TRPM7: variants seen among roughly 807,000 people sequenced by gnomAD.
TRPM7 encodes the protein LTRPC ion channel family member 7.
In TRPM7, 134 loss-of-function variants were observed where a neutral mutation model predicts 229.7. The observed-to-expected ratio is 0.58, with a 90% CI of 0.51 to 0.67. The LOEUF is 0.67. Ranked by LOEUF, TRPM7 falls within the 30% of genes least tolerant of loss-of-function variation. The probability of loss-of-function intolerance (pLI) is 0.00; values close to 1 mark genes in which losing one functional copy is unlikely to be tolerated. For synonymous variants in TRPM7, 699 were observed against 715.2 expected (o/e 0.98, Z 0.36); for missense variants, 1,901 against 2,210.0 (o/e 0.86, Z 2.80).
chr15:50,564,261 A>AC (rs1566928124), intron 38 of TRPM7, among the ~76,000 whole-genome samples: 24 of 51,538 alleles, frequency 4.7e-4, no homozygotes, highest in African/African-American at 1.3e-3. Flanking sequence ...AATAAAATAA[A>AC]ATAAAATAAA....
chr15:50,592,484 CAGTG>C lies in TRPM7; in HGVS notation c.3747_3750del (p.Thr1250ProfsTer18). 1 of 1,614,092 alleles carries C rather than the reference CAGTG, an allele frequency of 6.2e-7. No homozygotes were observed. Among genetic ancestry groups the C allele is most frequent in the Non-Finnish European group, 8.5e-7 (1 of 1,180,012 alleles). On this transcript the variant is annotated frameshift_variant, in exon 26 of 39. Coordinates refer to ENST00000646667, the MANE Select transcript of TRPM7 (RefSeq NM_017672.6). LOFTEE classifies it high-confidence loss of function. The stretch of plus-strand genomic sequence containing the variant: ...TTGCTAGCTTCCGACGCTTTCTGGG[CAGTG>C]AGTGTTTTTAATGTATCTACCGTCA...
At chr15:50,667,896 T>C (rs1451164801) in intron 1 of TRPM7, among the ~76,000 whole-genome samples, 1 of 152,190 alleles carries the variant, frequency 6.6e-6, no homozygotes, top group Non-Finnish European at 1.5e-5. Context: ...TTTCTTTGGG[T>C]TGCATTTGTA....
rs75815096 is a variant in TRPM7, at chr15:50,660,320, T to C, written c.84-2501A>G. Among the ~76,000 whole-genome samples, 398 of 152,208 alleles carry C rather than the reference T, an allele frequency of 2.6e-3. 1 individual carries two copies. The highest frequency in any genetic ancestry group is 9.2e-3 in the African/African-American group (382 of 41,534). On this transcript the variant is annotated intron_variant, in intron 2 of 38. Transcript: ENST00000646667. ...TAAAAAACATAAAATATTTTCTCAA[T>C]AATAAATAAATCCAAATTTAAAATA...
chr15:50,572,165 G>C (rs1248192219), intron 36 of TRPM7, among the ~76,000 whole-genome samples: 1 of 152,178 alleles, frequency 6.6e-6, no homozygotes, highest in Non-Finnish European at 1.5e-5. Context: ...TGAGCCTGTA[G>C]TCCCAGCTAT....
intron 26 of TRPM7, among the ~76,000 whole-genome samples, chr15:50,589,866 T>TTTG (rs2059441214): frequency 6.6e-6 from 1 of 150,420 alleles, no homozygotes; most frequent in Non-Finnish European, 1.5e-5. Flanking sequence ...TTTTTTGTTT[T>TTTG]TTTAAATTTG....
chr15:50,627,776 TAA>T (rs1157002353), intron 11 of TRPM7, among the ~76,000 whole-genome samples: 2 of 152,172 alleles, frequency 1.3e-5, no homozygotes, highest in Non-Finnish European at 2.9e-5. Flanking sequence ...AGGATAACAC[TAA>T]AGAGTCTCAT....
At chr15:50,642,561 C>A (rs1427199351) in intron 5 of TRPM7, among the ~76,000 whole-genome samples, 1 of 152,150 alleles carries the variant, frequency 6.6e-6, no homozygotes, top group African/African-American at 2.4e-5. Context: ...TTATAAGGGG[C>A]TCTTCCCTCT....
In TRPM7 at chr15:50,604,818, T is replaced by C. The variant is rs944215975; in HGVS notation, c.2988+48A>G. 1.1e-5 allele frequency: 17 copies of C among 1,498,470 alleles called. No individual in the cohort carries two copies. In the Middle Eastern group the frequency reaches 1.2e-3, roughly 110 times the overall value. 92.8% of individuals were successfully genotyped at this position (1,498,470 alleles called of 1,614,324 possible). Reference sequence around the variant, plus strand: ...TGTTAATAACATTTTTGTGATTTTTTAAAAAATCAATAAACCCACGAGTAT... The same window carrying C: ...TGTTAATAACATTTTTGTGATTTTTCAAAAAATCAATAAACCCACGAGTAT... On this transcript the variant is annotated intron_variant, in intron 21 of 38. Transcript: ENST00000646667.
rs2053310147 is a variant in TRPM7 at position 50,561,501 on chromosome 15, A to G, written c.*177T>C. On this transcript the variant is annotated 3_prime_UTR_variant, in exon 39 of 39. Coordinates refer to ENST00000646667, the MANE Select transcript of TRPM7 (RefSeq NM_017672.6). The stretch of plus-strand genomic sequence containing the variant: ...CAGCTGCCAGCTCTATCCTATAGGG[A>G]CTTTCTGACTGATTAATCAGGTCAA... 4.9e-6 allele frequency: 3 copies of G among 612,998 alleles called. No homozygotes were observed. In the Admixed American group the frequency reaches 1.1e-4, roughly 22 times the overall value. The allele number at this position is 612,998 out of a possible 1,614,324, so 38.0% of individuals were successfully genotyped here.
intron 36 of TRPM7, among the ~76,000 whole-genome samples, chr15:50,572,339 C>G (rs1201568305): frequency 6.6e-6 from 1 of 152,148 alleles, no homozygotes; most frequent in Non-Finnish European, 1.5e-5. Flanking sequence ...CAAACTTCAG[C>G]AACTATCAGT....
chr15:50,599,549 G>A lies in TRPM7; in HGVS notation c.2989-253C>T, dbSNP rs4537960. 4.8e-4 allele frequency: 151 copies of A among 312,776 alleles called. 2 individuals are homozygous for A. The highest frequency in any genetic ancestry group is 1.1e-4 in the Non-Finnish European group (19 of 172,198). 19.4% of individuals were successfully genotyped at this position (312,776 alleles called of 1,614,324 possible). The stretch of plus-strand genomic sequence containing the variant: ...GGCATCTTTATCTACATAATGAATT[G>A]TATCACTGGTTCAAACTGAAGTGTA... On this transcript the variant is annotated intron_variant, in intron 21 of 38. Coordinates refer to ENST00000646667, the MANE Select transcript of TRPM7 (RefSeq NM_017672.6).
chr15:50,639,972 A>C (rs1379357518), intron 5 of TRPM7, among the ~76,000 whole-genome samples: 2 of 152,146 alleles, frequency 1.3e-5, no homozygotes, highest in Non-Finnish European at 2.9e-5. Flanking sequence ...CAAGGACCAA[A>C]AAGGAACAAA....
At chr15:50,639,572 A>G in intron 5 of TRPM7, 24 bp from the exon 6 acceptor site, 1 of 1,596,226 alleles carries the variant, frequency 6.3e-7, no homozygotes, top group Non-Finnish European at 8.5e-7. Flanking sequence ...AAGTTTATTC[A>G]TTTTGTTTTT....
intron 36 of TRPM7, among the ~76,000 whole-genome samples, chr15:50,571,217 A>T (rs2053869358): frequency 6.6e-6 from 1 of 152,270 alleles, no homozygotes; most frequent in East Asian, 1.9e-4. Flanking sequence ...AATGGCAAAC[A>T]TTAAGAATAT....
In TRPM7 at chr15:50,632,764, T is replaced by C. The variant is rs1415194607; in HGVS notation, c.1131+105A>G. 10 of 1,135,174 alleles carry C rather than the reference T, an allele frequency of 8.8e-6. No homozygotes were observed. The African/African-American group carries it at 1.5e-4, about 17-fold the overall frequency. 70.3% of individuals were successfully genotyped at this position (1,135,174 alleles called of 1,614,324 possible). On this transcript the variant is annotated intron_variant, in intron 9 of 38. Transcript: ENST00000646667. ...TTATGGTTAATAAAGATTTCAAAGT[T>C]TAAAATCCAAATAAAAACAAAAGTA...
intron 20 of TRPM7, among the ~76,000 whole-genome samples, chr15:50,606,217 A>G (rs1166745610): frequency 1.3e-5 from 2 of 152,066 alleles, no homozygotes; most frequent in Non-Finnish European, 2.9e-5. Context: ...CATCTCTACT[A>G]AAAATACAAA....
At chr15:50,601,673 A>T (rs543475798) in intron 21 of TRPM7, among the ~76,000 whole-genome samples, 7 of 152,224 alleles carry the variant, frequency 4.6e-5, no homozygotes, top group African/African-American at 1.4e-4. Flanking sequence ...TAAAATTTTT[A>T]AAAATGAGGA....
chr15:50,616,060 A>G (rs2060213721), intron 13 of TRPM7, among the ~76,000 whole-genome samples: 1 of 152,172 alleles, frequency 6.6e-6, no homozygotes, highest in South Asian at 2.1e-4. Context: ...AGAATGATTG[A>G]GAATGTCACC....
chr15:50,634,745 AAGT>A (rs1427965143), intron 7 of TRPM7, among the ~76,000 whole-genome samples, 189 bp from the exon 8 acceptor site: 1 of 152,222 alleles, frequency 6.6e-6, no homozygotes, highest in Non-Finnish European at 1.5e-5. Flanking sequence ...CAGTTCACGT[AAGT>A]AAATTAAATA....
Sources: gnomAD v4.1 joint callset for allele counts (sites outside exome capture counted in the v4.1 genomes callset) on GRCh38, gnomAD v4.1.1 for gene constraint, MANE v1.5 for transcripts, NCBI Gene and HGNC (gene_info 2026-07-23, HGNC 2026-07-21) for gene names.